DNAJC27: variants seen among roughly 807,000 people sequenced by gnomAD.
DNAJC27 encodes the protein dnaJ homolog subfamily C member 27.
In DNAJC27, 25 loss-of-function variants were observed where a neutral mutation model predicts 31.4. The observed-to-expected ratio is 0.80, with a 90% confidence interval of 0.58 to 1.11. DNAJC27 has a LOEUF of 1.11. DNAJC27 is among the 50% of genes most tolerant of loss of function. DNAJC27 has a pLI of 0.00. For synonymous variants in DNAJC27, 106 were observed against 112.7 expected (o/e 0.94, Z 0.37); for missense variants, 356 against 347.3 (o/e 1.02, Z -0.20).
intron 5 of DNAJC27, 126 bp downstream of exon 5, chr2:24,956,917 T>G: frequency 8.8e-7 from 1 of 1,141,786 alleles, no homozygotes; most frequent in East Asian, 2.6e-5. Context: ...TCTCACTAGA[T>G]TCTTTGAAAA....
chr2:24,967,330 A>G (rs1379057710), intron 1 of DNAJC27, 37 bp from the exon 2 acceptor site: 1 of 1,331,298 alleles, frequency 7.5e-7, no homozygotes, highest in Admixed American at 1.7e-5. Flanking sequence ...TAGTAAATAC[A>G]TAGTGAGAAC....
chr2:24,966,416 C>G (rs1418497785), intron 2 of DNAJC27, among the ~76,000 whole-genome samples: 3 of 152,138 alleles, frequency 2.0e-5, no homozygotes, highest in African/African-American at 7.2e-5. Flanking sequence ...TGACTCATCT[C>G]CAGATAAATC....
At position 24,944,071 on chromosome 2, in the gene DNAJC27, CCT is replaced by C. The variant is rs747886916; in HGVS notation, c.*3543_*3544del. Reference sequence around the variant, plus strand: ...AAATACCAATTATGAGAAGTACGAACCTCTCTTCACTTTGCAAAGCTTGCAAT... The same window carrying C: ...AAATACCAATTATGAGAAGTACGAACCTCTTCACTTTGCAAAGCTTGCAAT... On this transcript the variant is annotated 3_prime_UTR_variant, in exon 7 of 7. Coordinates refer to ENST00000264711, the MANE Select transcript of DNAJC27 (RefSeq NM_016544.3). 6.6e-6 allele frequency: 1 copy of C among 152,238 alleles called. No individual in the cohort carries two copies. Among genetic ancestry groups the C allele is most frequent in the African/African-American group, 2.4e-5 (1 of 41,460 alleles). 9.4% of individuals were successfully genotyped at this position (152,238 alleles called of 1,614,324 possible). A position where few individuals can be genotyped will look rare whatever the true frequency, so the allele number is the denominator to read the frequency against.
chr2:24,966,558 AAG>A (rs1318865722), intron 2 of DNAJC27, among the ~76,000 whole-genome samples: 2 of 151,996 alleles, frequency 1.3e-5, no homozygotes, highest in Admixed American at 6.5e-5. Flanking sequence ...TCCCGGGTTC[AAG>A]TGATTCTCCT....
chr2:24,954,390 A>T (rs1459040859), intron 5 of DNAJC27, among the ~76,000 whole-genome samples: 3 of 152,220 alleles, frequency 2.0e-5, no homozygotes, highest in African/African-American at 7.2e-5. Flanking sequence ...GGCACCACAG[A>T]AAGGCTGTGC....
chr2:24,967,954 CT>C (rs35902856), intron 1 of DNAJC27, among the ~76,000 whole-genome samples: 7,353 of 135,590 alleles, frequency 0.054, 442 homozygotes, highest in African/African-American at 0.18. Flanking sequence ...AGATTAATTC[CT>C]TTTTTTTTTT....
rs1291706877 is a variant in DNAJC27 at position 24,946,187 on chromosome 2, T to C, written c.*1429A>G. On this transcript the variant is annotated 3_prime_UTR_variant, in exon 7 of 7. Transcript: ENST00000264711. ...TTGTATATCAAGGAGGAGACTGTGG[T>C]CAGAGAATGTATTTTGTAAGCTATA... The C allele has an allele frequency of 6.6e-6, 1 of 152,176 alleles. No homozygotes were observed. Among genetic ancestry groups the C allele is most frequent in the Non-Finnish European group, 1.5e-5 (1 of 68,020 alleles). The allele number at this position is 152,176 out of a possible 1,614,324, so 9.4% of individuals were successfully genotyped here. A position where few individuals can be genotyped will look rare whatever the true frequency, so the allele number is the denominator to read the frequency against.
Position 24,971,841 on chromosome 2 carries a change from T to A in DNAJC27, c.64A>T (p.Met22Leu), listed in dbSNP as rs777596983. ...GRSLRIKVIS[M>L]GNAEVGKSCI... ...ACTTTCCCCACTTCGGCGTTGCCCA[T>A]GGAGATGACTTTGATGCGGAGAGAC... The change falls in exon 1 of 7, where the codon ATG (methionine) becomes TTG (leucine). Residue 22 changes from methionine (M) to leucine (L), a missense_variant. Transcript: ENST00000264711. 14 of 1,609,526 alleles carry A rather than the reference T, an allele frequency of 8.7e-6. No individual in the cohort carries two copies. In the South Asian group the frequency reaches 1.4e-4, roughly 17 times the overall value.
At position 24,945,491 on chromosome 2, in the gene DNAJC27, C is replaced by T. The variant is rs1158569521; in HGVS notation, c.*2125G>A. ...ACTGGCACCAGCTTTCATAGAGGGC[C>T]ACACATTCAGAGTTGTCGTGTCAAT... On this transcript the variant is annotated 3_prime_UTR_variant, in exon 7 of 7. Coordinates refer to ENST00000264711, the MANE Select transcript of DNAJC27 (RefSeq NM_016544.3). 6.6e-6 allele frequency: 1 copy of T among 152,198 alleles called. No homozygotes were observed. Among genetic ancestry groups the T allele is most frequent in the Non-Finnish European group, 1.5e-5 (1 of 68,042 alleles). The allele number at this position is 152,198 out of a possible 1,614,324, so 9.4% of individuals were successfully genotyped here. A position where few individuals can be genotyped will look rare whatever the true frequency, so the allele number is the denominator to read the frequency against.
chr2:24,948,388 T>C (rs1665693396), intron 6 of DNAJC27, among the ~76,000 whole-genome samples: 1 of 151,844 alleles, frequency 6.6e-6, no homozygotes, highest in African/African-American at 2.4e-5. Flanking sequence ...ATGGCAGAAG[T>C]GGATGATGAG....
chr2:24,946,823 C>G lies in DNAJC27; in HGVS notation c.*793G>C, dbSNP rs1665662589. ...CTGCAGCTGGCTCCTCCAAGTACTT[C>G]TGTCTTGGGGCCTGATTCCTCATTC... On this transcript the variant is annotated 3_prime_UTR_variant, in exon 7 of 7. Transcript: ENST00000264711. 1 of 152,270 alleles carries G rather than the reference C, an allele frequency of 6.6e-6. No individual in the cohort carries two copies. The highest frequency in any genetic ancestry group is 6.5e-5 in the Admixed American group (1 of 15,276). The allele number at this position is 152,270 out of a possible 1,614,324, so 9.4% of individuals were successfully genotyped here. A position where few individuals can be genotyped will look rare whatever the true frequency, so the allele number is the denominator to read the frequency against.
rs1665920079 is a variant in DNAJC27 at position 24,957,037 on chromosome 2, G to C, written c.528+6C>G. On this transcript the variant is annotated splice_donor_region_variant and intron_variant, in intron 5 of 6. Coordinates refer to ENST00000264711, the MANE Select transcript of DNAJC27 (RefSeq NM_016544.3). The stretch of plus-strand genomic sequence containing the variant: ...CAAACCTTAAAACAACAAAATGCTA[G>C]CTTACCTGGAACATCTCATTAATGC... The C allele has an allele frequency of 3.1e-6, 5 of 1,604,390 alleles. No individual in the cohort carries two copies. The highest frequency in any genetic ancestry group is 4.2e-6 in the Non-Finnish European group (5 of 1,176,870).
intron 6 of DNAJC27, 113 bp downstream of exon 6, chr2:24,951,281 C>T (rs1372186474): frequency 9.1e-7 from 1 of 1,093,072 alleles, no homozygotes; most frequent in Non-Finnish European, 1.3e-6. Flanking sequence ...AATATATTTT[C>T]ATACATCTTC....
At chr2:24,965,231 GA>G (rs1318806317) in intron 2 of DNAJC27, among the ~76,000 whole-genome samples, 1 of 144,214 alleles carries the variant, frequency 6.9e-6, no homozygotes, top group Non-Finnish European at 1.5e-5. Context: ...TCAGGGAAAA[GA>G]AAAAAAAAAG....
chr2:24,970,852 C>A (rs761508927), intron 1 of DNAJC27, among the ~76,000 whole-genome samples: 80 of 151,926 alleles, frequency 5.3e-4, no homozygotes, highest in Non-Finnish European at 9.0e-4. Context: ...AAAAGTAGTA[C>A]GGGATCATGC....
At chr2:24,960,056 GT>G (rs1229937075) in intron 3 of DNAJC27, among the ~76,000 whole-genome samples, 1 of 152,146 alleles carries the variant, frequency 6.6e-6, no homozygotes, top group East Asian at 1.9e-4. Context: ...TACATATTGT[GT>G]TTTTTTACAA....
rs760359122 is a variant in DNAJC27 at position 24,957,763 on chromosome 2, C to G, written c.405+47G>C. The G allele has an allele frequency of 3.9e-6, 6 of 1,543,768 alleles. No individual in the cohort carries two copies. In the East Asian group the frequency reaches 1.4e-4, roughly 35 times the overall value. On this transcript the variant is annotated intron_variant, in intron 4 of 6. Coordinates refer to ENST00000264711, the MANE Select transcript of DNAJC27 (RefSeq NM_016544.3). ...TTTTTGTTTCCCAACACTCAAAGCT[C>G]CACTCTTTCCCTAGAAATCTGAACA...
intron 1 of DNAJC27, among the ~76,000 whole-genome samples, chr2:24,968,509 T>A (rs192071494): frequency 1.1e-4 from 17 of 151,610 alleles, no homozygotes; most frequent in African/African-American, 3.4e-4. Flanking sequence ...TTTATTTATT[T>A]ATTATTATTA....
chr2:24,961,319 C>T (rs1666035398), intron 3 of DNAJC27, among the ~76,000 whole-genome samples: 1 of 152,156 alleles, frequency 6.6e-6, no homozygotes, highest in Admixed American at 6.6e-5. Flanking sequence ...CAAAATATTA[C>T]TGCTCATTCA....
Sources: allele counts gnomAD v4.1 joint callset (sites outside exome capture counted in the v4.1 genomes callset), GRCh38; gene constraint gnomAD v4.1.1; transcripts MANE v1.5; gene names NCBI Gene and HGNC (gene_info 2026-07-23, HGNC 2026-07-21).